Variants in AFF1 observed in about 807,000 individuals in gnomAD.
The protein encoded by AFF1 is ALF transcription elongation factor 1.
A neutral mutation model predicts 121.7 loss-of-function variants in AFF1; 48 were observed. The observed-to-expected ratio is 0.39, with a 90% confidence interval of 0.31 to 0.50. AFF1 has a LOEUF of 0.50. AFF1 is among the 20% of genes least tolerant of loss of function. AFF1 has a pLI of 0.76. For synonymous variants in AFF1, 613 were observed against 563.0 expected (o/e 1.09, Z -1.26); for missense variants, 1,523 against 1,511.7 (o/e 1.01, Z -0.12).
chr4:87,051,955 T>A lies in AFF1; in HGVS notation c.1059+4361T>A, dbSNP rs527374044. 3.3e-5 allele frequency among the ~76,000 whole-genome samples: 5 copies of A among 152,134 alleles called. No individual in the cohort carries two copies. The South Asian group carries it at 1.0e-3, about 32-fold the overall frequency. On this transcript the variant is annotated intron_variant, in intron 4 of 20. Transcript: ENST00000395146. ...GTGCCGCAAGAAGTAAAGAGGGTGATGAGGATGAGATGAATCAGAGGAGGC... is the reference window on the plus strand; with the variant it reads ...GTGCCGCAAGAAGTAAAGAGGGTGAAGAGGATGAGATGAATCAGAGGAGGC...
At chr4:86,971,289 T>A (rs1219604448) in intron 2 of AFF1, among the ~76,000 whole-genome samples, 6 of 152,242 alleles carry the variant, frequency 3.9e-5, no homozygotes, top group African/African-American at 1.4e-4. Context: ...TTCCGTTTCC[T>A]AGCATGCATT....
intron 2 of AFF1, chr4:87,036,646 TC>T (rs1729590229): frequency 6.2e-6 from 2 of 320,334 alleles, no homozygotes; most frequent in Non-Finnish European, 1.2e-5. Flanking sequence ...GAAGACAAGT[TC>T]TTGTGTTTTT....
intron 4 of AFF1, among the ~76,000 whole-genome samples, chr4:87,083,210 CTGG>C (rs989956144): frequency 1.3e-5 from 2 of 152,152 alleles, no homozygotes; most frequent in Admixed American, 1.3e-4. Context: ...TAGGCACTGT[CTGG>C]TGGTGATACC....
intron 1 of AFF1, among the ~76,000 whole-genome samples, chr4:86,941,039 G>C: frequency 6.6e-6 from 1 of 151,842 alleles, no homozygotes; most frequent in Admixed American, 6.6e-5. Context: ...AGTGAGCAGT[G>C]ATCGAGATTG....
chr4:86,943,938 G>A (rs1199405933), intron 1 of AFF1, among the ~76,000 whole-genome samples: 5 of 148,272 alleles, frequency 3.4e-5, no homozygotes, highest in Non-Finnish European at 7.4e-5. Context: ...TCCAGCCTGG[G>A]CAACAAGAAC....
chr4:87,105,906 A>G (rs771179151), intron 10 of AFF1, 61 bp downstream of exon 10: 7 of 1,581,328 alleles, frequency 4.4e-6, no homozygotes, highest in African/African-American at 2.7e-5. Flanking sequence ...CAAATGGGAA[A>G]AATAAAGCCT....
chr4:87,054,320 C>T (rs543558481), intron 4 of AFF1, among the ~76,000 whole-genome samples: 2 of 152,274 alleles, frequency 1.3e-5, no homozygotes, highest in East Asian at 1.9e-4. Flanking sequence ...ATGTGGGTCT[C>T]GGGCACAAGG....
At chr4:87,089,963 C>T (rs1425557225) in intron 5 of AFF1, 21 bp from the exon 6 acceptor site, 1 of 1,591,894 alleles carries the variant, frequency 6.3e-7, no homozygotes, top group Non-Finnish European at 8.6e-7. Context: ...CTTTTTCTTC[C>T]CTTTCCAAAT....
intron 4 of AFF1, among the ~76,000 whole-genome samples, chr4:87,069,271 C>CTTTTTTT (rs753186809): frequency 5.0e-5 from 4 of 80,562 alleles, no homozygotes; most frequent in African/African-American, 2.2e-4. Context: ...TGTGTGGCCT[C>CTTTTTTT]TTTTTTTTTT....
At chr4:86,989,685 C>T (rs1337830013) in intron 2 of AFF1, among the ~76,000 whole-genome samples, 1 of 152,114 alleles carries the variant, frequency 6.6e-6, no homozygotes, top group Non-Finnish European at 1.5e-5. Context: ...GGTATATACC[C>T]AAAGGATTAT....
At chr4:87,098,313 T>C (rs1238715007) in intron 8 of AFF1, among the ~76,000 whole-genome samples, 1 of 152,230 alleles carries the variant, frequency 6.6e-6, no homozygotes, top group East Asian at 1.9e-4. Context: ...GTTCTGTAGG[T>C]AACTGATTAG....
rs147044438 is a variant in AFF1, at chr4:87,036,000, A to G, written c.39-10166A>G. On this transcript the variant is annotated intron_variant, in intron 2 of 20. Transcript: ENST00000395146. ...ATAGTGTGACATGAGTGGCCTGGTA[A>G]TGAGGCCAGCACTCTGGTTGATCCT... 1.4e-3 allele frequency among the ~76,000 whole-genome samples: 210 copies of G among 152,188 alleles called. 1 individual carries two copies. Among genetic ancestry groups the G allele is most frequent in the Non-Finnish European group, 2.2e-3 (151 of 68,018 alleles).
At chr4:87,128,554 T>C (rs1728515003) in intron 16 of AFF1, among the ~76,000 whole-genome samples, 1 of 152,170 alleles carries the variant, frequency 6.6e-6, no homozygotes, top group African/African-American at 2.4e-5. Flanking sequence ...ATGAGTTGCC[T>C]TTTTTGGTTC....
At chr4:86,995,955 C>T (rs1398760598) in intron 2 of AFF1, among the ~76,000 whole-genome samples, 2 of 150,980 alleles carry the variant, frequency 1.3e-5, no homozygotes, top group African/African-American at 4.9e-5. Context: ...GCGTCTCTGC[C>T]CGGCCGCCCC....
intron 4 of AFF1, among the ~76,000 whole-genome samples, chr4:87,050,851 T>C (rs777408643): frequency 1.5e-4 from 23 of 152,110 alleles, no homozygotes; most frequent in African/African-American, 4.6e-4. Flanking sequence ...AATTGGAAGA[T>C]TGAGATTTCT....
chr4:87,041,561 TA>T (rs2149603101), intron 2 of AFF1, among the ~76,000 whole-genome samples: 1 of 152,214 alleles, frequency 6.6e-6, no homozygotes, highest in Non-Finnish European at 1.5e-5. Flanking sequence ...AAGTACCATC[TA>T]AAATCAGCTA....
At chr4:87,015,360 A>G (rs1727191459) in intron 2 of AFF1, among the ~76,000 whole-genome samples, 1 of 152,252 alleles carries the variant, frequency 6.6e-6, no homozygotes, top group African/African-American at 2.4e-5. Context: ...TACTGGCATT[A>G]GAATAGCAAA....
At chr4:86,976,707 C>A (rs1168967448) in intron 2 of AFF1, among the ~76,000 whole-genome samples, 1 of 152,176 alleles carries the variant, frequency 6.6e-6, no homozygotes, top group East Asian at 1.9e-4. Flanking sequence ...GCTCCCACAA[C>A]ATGCAATTTA....
rs1726092490 is a variant in AFF1 at position 87,108,013 on chromosome 4, C to T, written c.1377-146C>T. 4.1e-6 allele frequency: 3 copies of T among 740,334 alleles called. No homozygotes were observed. The South Asian group carries it at 9.4e-5, about 23-fold the overall frequency. 45.9% of individuals were successfully genotyped at this position (740,334 alleles called of 1,614,324 possible). On this transcript the variant is annotated intron_variant, in intron 10 of 20. Transcript: ENST00000395146. ...TGCTTTTCTATTAAACTACTTTGGG[C>T]CTCTCTCAGTTGGATGACATGATAG...
Sources: gnomAD v4.1 joint callset for allele counts (sites outside exome capture counted in the v4.1 genomes callset) on GRCh38, gnomAD v4.1.1 for gene constraint, MANE v1.5 for transcripts, NCBI Gene and HGNC (gene_info 2026-07-23, HGNC 2026-07-21) for gene names.